CSMD1: variants seen among roughly 807,000 people sequenced by gnomAD.
The protein encoded by CSMD1 is CUB and Sushi multiple domains 1.
In CSMD1, 213 loss-of-function variants were observed where a neutral mutation model predicts 417.5. The observed-to-expected ratio is 0.51, with a 90% CI of 0.46 to 0.57. CSMD1 has a LOEUF of 0.57. Among genes scored for constraint, CSMD1 ranks in the 20% least tolerant of loss-of-function variants. The pLI is 0.00. For missense variants in CSMD1, 6,923 were observed against 4,529.7 expected, an observed-to-expected ratio of 1.53 and a Z score of -15.17; for synonymous variants, 2,862 against 1,736.8, an observed-to-expected ratio of 1.65 and a Z score of -16.11.
At chr8:3,704,507 G>A (rs1052120130) in intron 7 of CSMD1, among the ~76,000 whole-genome samples, 2 of 152,196 alleles carry the variant, frequency 1.3e-5, no homozygotes, top group African/African-American at 4.8e-5. Flanking sequence ...CAGCTTTACA[G>A]ATTAGAAAAG....
intron 7 of CSMD1, among the ~76,000 whole-genome samples, chr8:3,646,629 T>C (rs899214006): frequency 6.6e-6 from 1 of 152,178 alleles, no homozygotes; most frequent in African/African-American, 2.4e-5. Flanking sequence ...ATGAGTAACT[T>C]TCTTGGTTCC....
intron 49 of CSMD1, among the ~76,000 whole-genome samples, chr8:3,086,493 G>A (rs1814543344): frequency 6.6e-6 from 1 of 151,972 alleles, no homozygotes; most frequent in African/African-American, 2.4e-5. Context: ...AGCTTTCAAA[G>A]ACTAATATAA....
chr8:2,975,701 T>A (rs1290144382), intron 55 of CSMD1, among the ~76,000 whole-genome samples: 1 of 152,212 alleles, frequency 6.6e-6, no homozygotes, highest in Non-Finnish European at 1.5e-5. Context: ...TTATTTAAAT[T>A]TTAACCTTCA....
At chr8:4,776,162 C>T (rs985885599) in intron 1 of CSMD1, among the ~76,000 whole-genome samples, 20 of 152,114 alleles carry the variant, frequency 1.3e-4, no homozygotes, top group Non-Finnish European at 2.4e-4. Context: ...AGAGATGAGG[C>T]GACCCACATT....
At chr8:4,331,597 A>G (rs1169203413) in intron 3 of CSMD1, among the ~76,000 whole-genome samples, 1 of 152,176 alleles carries the variant, frequency 6.6e-6, no homozygotes, top group Non-Finnish European at 1.5e-5. Context: ...GGCAACATTT[A>G]TAGTGGCAAC....
intron 52 of CSMD1, among the ~76,000 whole-genome samples, chr8:3,003,621 T>C (rs1428695540): frequency 6.6e-6 from 1 of 152,212 alleles, no homozygotes; most frequent in Admixed American, 6.5e-5. Flanking sequence ...TGCAATGTTC[T>C]TGGGGCTGGG....
chr8:3,281,081 A>T (rs1159743862), intron 26 of CSMD1, among the ~76,000 whole-genome samples: 13 of 152,208 alleles, frequency 8.5e-5, no homozygotes, highest in Admixed American at 8.5e-4. Context: ...CTGCACACAG[A>T]TGTTTAGAGG....
Position 4,154,013 on chromosome 8 carries a change from T to C in CSMD1, c.416-121914A>G, listed in dbSNP as rs554701407. On this transcript the variant is annotated intron_variant, in intron 3 of 69. Transcript: ENST00000635120. The stretch of plus-strand genomic sequence containing the variant: ...TCCAATGATAGCTTTCCATCCTCAT[T>C]TTGCACCGTATTTTCAGCTTGCTGC... Among the ~76,000 whole-genome samples, 26 of 152,310 alleles carry C rather than the reference T, an allele frequency of 1.7e-4. No homozygotes were observed. In the South Asian group the frequency reaches 2.5e-3, roughly 15 times the overall value.
chr8:4,945,072 G>T (rs1366870233), intron 1 of CSMD1, among the ~76,000 whole-genome samples: 1 of 152,088 alleles, frequency 6.6e-6, no homozygotes, highest in East Asian at 1.9e-4. Context: ...ATCCTAAAAA[G>T]GAAGAAAATC....
Position 2,988,036 on chromosome 8 carries a change from A to G in CSMD1, c.8378-9236T>C, listed in dbSNP as rs73502839. ...GCGTTAGCTATTTTTCCTAAAACCTATTTTCCCCAGTTATTAAAATAACTA... is the reference window on the plus strand; with the variant it reads ...GCGTTAGCTATTTTTCCTAAAACCTGTTTTCCCCAGTTATTAAAATAACTA... On this transcript the variant is annotated intron_variant, in intron 54 of 69. Transcript: ENST00000635120. 1.7e-3 allele frequency among the ~76,000 whole-genome samples: 260 copies of G among 152,270 alleles called. 1 individual carries two copies. The highest frequency in any genetic ancestry group is 6.1e-3 in the African/African-American group (254 of 41,568).
chr8:3,749,773 T>A (rs1368949139), intron 6 of CSMD1, among the ~76,000 whole-genome samples: 3 of 152,074 alleles, frequency 2.0e-5, no homozygotes, highest in Admixed American at 2.0e-4. Context: ...GAGTCACCCA[T>A]GTCGTTACAT....
intron 1 of CSMD1, among the ~76,000 whole-genome samples, chr8:4,835,060 C>A (rs2116739751): frequency 7.0e-6 from 1 of 142,010 alleles, no homozygotes; most frequent in East Asian, 2.1e-4. Flanking sequence ...TCTCACATAA[C>A]AAACAAAAGC....
chr8:4,183,952 C>G (rs1198057728), intron 3 of CSMD1, among the ~76,000 whole-genome samples: 3 of 152,130 alleles, frequency 2.0e-5, no homozygotes, highest in Non-Finnish European at 4.4e-5. Context: ...TGAACTGCTC[C>G]TGAGAACACA....
At chr8:3,967,756 T>A (rs1420776964) in intron 5 of CSMD1, among the ~76,000 whole-genome samples, 7 of 152,076 alleles carry the variant, frequency 4.6e-5, no homozygotes, top group Admixed American at 4.6e-4. Flanking sequence ...AAGAACCTAA[T>A]TTAATATTAC....
chr8:3,222,006 C>G (rs1249606498), intron 28 of CSMD1, among the ~76,000 whole-genome samples: 1 of 152,138 alleles, frequency 6.6e-6, no homozygotes, highest in Non-Finnish European at 1.5e-5. Flanking sequence ...TCCTCATCCC[C>G]TAACAGGATT....
intron 8 of CSMD1, among the ~76,000 whole-genome samples, chr8:3,604,711 C>T (rs955403808): frequency 6.6e-6 from 1 of 152,154 alleles, no homozygotes; most frequent in African/African-American, 2.4e-5. Context: ...TTATTCTCTG[C>T]ATCAGGAGAG....
chr8:4,191,770 T>A lies in CSMD1; in HGVS notation c.416-159671A>T, dbSNP rs189908231. Among the ~76,000 whole-genome samples, 318 of 149,950 alleles carry A rather than the reference T, an allele frequency of 2.1e-3. 2 individuals carry two copies. The highest frequency in any genetic ancestry group is 7.2e-3 in the African/African-American group (293 of 40,852). ...AAAAAAAAAAAAAAAAAATGGTGGT[T>A]CAGTTCATCCTGTGGTTAAGGTTGA... On this transcript the variant is annotated intron_variant, in intron 3 of 69. Transcript: ENST00000635120.
At chr8:4,929,635 T>C (rs1022791919) in intron 1 of CSMD1, among the ~76,000 whole-genome samples, 1 of 152,208 alleles carries the variant, frequency 6.6e-6, no homozygotes, top group Non-Finnish European at 1.5e-5. Context: ...CATTTTCATC[T>C]GATTCAATTA....
At chr8:4,355,902 C>A (rs940684939) in intron 3 of CSMD1, among the ~76,000 whole-genome samples, 1 of 148,876 alleles carries the variant, frequency 6.7e-6, no homozygotes, top group South Asian at 2.2e-4. Flanking sequence ...AGGTGAGTCT[C>A]ATGATTTGAA....
Sources: allele counts gnomAD v4.1 joint callset (sites outside exome capture counted in the v4.1 genomes callset), GRCh38; gene constraint gnomAD v4.1.1; transcripts MANE v1.5; gene names NCBI Gene and HGNC (gene_info 2026-07-23, HGNC 2026-07-21).